The following LRRC36 variants were observed in gnomAD, a reference collection of about 807,000 sequenced individuals.
LRRC36 encodes the protein leucine rich repeat containing 36.
A neutral mutation model predicts 81.1 loss-of-function variants in LRRC36; 62 were observed. That is an observed-to-expected ratio of 0.76 (90% confidence interval 0.62 to 0.94). The LOEUF (loss-of-function observed/expected upper bound fraction) is 0.94, where lower values mean the gene tolerates loss of function less well. LRRC36 is among the 40% of genes least tolerant of loss of function. LRRC36 has a pLI of 0.00. For synonymous variants in LRRC36, 334 were observed against 348.6 expected (o/e 0.96, Z 0.47); for missense variants, 761 against 881.7 (o/e 0.86, Z 1.73).
At chr16:67,363,213 C>T (rs1425142965) in intron 5 of LRRC36, among the ~76,000 whole-genome samples, 3 of 152,150 alleles carry the variant, frequency 2.0e-5, no homozygotes, top group Non-Finnish European at 2.9e-5. Context: ...AGCATCTCCC[C>T]CTGTAGTTGG....
intron 1 of LRRC36, among the ~76,000 whole-genome samples, chr16:67,340,270 C>T (rs2037966819): frequency 6.6e-6 from 1 of 152,182 alleles, no homozygotes; most frequent in African/African-American, 2.4e-5. Flanking sequence ...AACTCTCTTC[C>T]AGTTTTGGTT....
chr16:67,353,407 G>C (rs1200007545), intron 5 of LRRC36, among the ~76,000 whole-genome samples: 1 of 151,720 alleles, frequency 6.6e-6, no homozygotes, highest in Admixed American at 6.6e-5. Context: ...GTTTTTTTGA[G>C]ACAGAGTCTC....
intron 4 of LRRC36, among the ~76,000 whole-genome samples, 182 bp downstream of exon 4, chr16:67,347,773 A>G (rs1451656247): frequency 6.6e-6 from 1 of 152,228 alleles, no homozygotes; most frequent in Admixed American, 6.5e-5. Context: ...TCTGGCCCTC[A>G]GTGGGTACAT....
intron 1 of LRRC36, among the ~76,000 whole-genome samples, chr16:67,327,480 G>A (rs548161143): frequency 5.1e-4 from 78 of 152,076 alleles, no homozygotes; most frequent in Non-Finnish European, 7.9e-4. Context: ...GCGACAGAGC[G>A]AGACTCCATC....
At chr16:67,370,894 C>T (rs1227701996) in intron 8 of LRRC36, 50 bp from the exon 9 acceptor site, 4 of 1,508,326 alleles carry the variant, frequency 2.7e-6, no homozygotes, top group Non-Finnish European at 3.6e-6. Context: ...AGAAGTGAGA[C>T]ATGAGGCAGT....
At chr16:67,377,173 T>G (rs1371918967) in intron 11 of LRRC36, among the ~76,000 whole-genome samples, 2 of 152,194 alleles carry the variant, frequency 1.3e-5, no homozygotes, top group Non-Finnish European at 2.9e-5. Flanking sequence ...GGTTATGGTT[T>G]CACCCCAGCA....
At position 67,378,235 on chromosome 16, in the gene LRRC36, C is replaced by CTTTTTTT. The variant is rs1015471341; in HGVS notation, c.1807-338_1807-332dup. Among the ~76,000 whole-genome samples, 138 of 100,470 alleles carry CTTTTTTT rather than the reference C, an allele frequency of 1.4e-3. 31 individuals carry two copies. The highest frequency in any genetic ancestry group is 6.0e-3 in the African/African-American group (126 of 21,074). 65.9% of individuals were successfully genotyped at this position (100,470 alleles called of 152,430 possible). On this transcript the variant is annotated intron_variant, in intron 11 of 13. Coordinates refer to ENST00000329956, the MANE Select transcript of LRRC36 (RefSeq NM_018296.6). ...TAAACACACCTTAGCATGTCAGATT[C>CTTTTTTT]TTTTTTTTTTTTTTTTTTTTTTGAG...
chr16:67,373,707 C>CAAAA (rs552146686), intron 9 of LRRC36, among the ~76,000 whole-genome samples: 2 of 35,380 alleles, frequency 5.7e-5, no homozygotes, highest in Non-Finnish European at 1.4e-4. Flanking sequence ...GACTCTGTCT[C>CAAAA]AAAAAAAAAA....
rs1454602330 is a variant in LRRC36 at position 67,371,008 on chromosome 16, A to T, written c.1260A>T (p.Leu420Phe). ...PAVLVNVEQQ[L>F]STSLDDLTPA... is the part of the protein sequence containing the mutation. ...TACTTGTCAATGTAGAGCAACAATT[A>T]TCTACCAGCCTGGATGATTTAACAC... The change falls in exon 9 of 14, where the codon TTA becomes TTT. Residue 420 changes from leucine to phenylalanine, a missense_variant. Coordinates refer to ENST00000329956, the MANE Select transcript of LRRC36 (RefSeq NM_018296.6). 1 of 1,614,130 alleles carries T rather than the reference A, an allele frequency of 6.2e-7. No individual in the cohort carries two copies. The highest frequency in any genetic ancestry group is 8.5e-7 in the Non-Finnish European group (1 of 1,180,018).
Position 67,336,465 on chromosome 16 carries a change from C to T in LRRC36, c.71-5492C>T, listed in dbSNP as rs148096025. 6.9e-4 allele frequency among the ~76,000 whole-genome samples: 105 copies of T among 152,342 alleles called. 1 individual carries two copies. In the East Asian group the frequency reaches 0.014, roughly 20 times the overall value. On this transcript the variant is annotated intron_variant, in intron 1 of 13. Transcript: ENST00000329956. ...ATGAATGAGAGTTCCTTTTGCCCCA[C>T]ATCCTCACCAACATTTAGCATTGTG... is the stretch of plus-strand genomic sequence containing the variant.
rs532088490 is a variant in LRRC36, at chr16:67,328,577, G to A, written c.70+1645G>A. Among the ~76,000 whole-genome samples the A allele has an allele frequency of 2.2e-4, 33 of 152,150 alleles. No individual in the cohort carries two copies. The South Asian group carries it at 5.4e-3, about 25-fold the overall frequency. On this transcript the variant is annotated intron_variant, in intron 1 of 13. Coordinates refer to ENST00000329956, the MANE Select transcript of LRRC36 (RefSeq NM_018296.6). Reference sequence around the variant, plus strand: ...AGAAAGTCTTTACTCCCCCATCCCCGTCTCATAGGCCTAGTTCCCCTTCCT... The same window carrying A: ...AGAAAGTCTTTACTCCCCCATCCCCATCTCATAGGCCTAGTTCCCCTTCCT...
chr16:67,353,698 C>G (rs2038763969), intron 5 of LRRC36, among the ~76,000 whole-genome samples: 1 of 152,100 alleles, frequency 6.6e-6, no homozygotes, highest in Non-Finnish European at 1.5e-5. Flanking sequence ...TTGATAGTCT[C>G]TTACCAGGCA....
rs557040722 is a variant in LRRC36 at position 67,342,078 on chromosome 16, C to T, written c.192C>T (p.Ser64=). Residue 64 remains serine, a synonymous_variant, in exon 2 of 14, where the codon AGC becomes AGT. Transcript: ENST00000329956. The stretch of plus-strand genomic sequence containing the variant: ...ATTTATCAAGGAATTTGATCACTAG[C>T]CTTAAGGTAAGTTATATATTCTATG... The part of the protein sequence containing the change: ...SLDLSRNLIT[S]LKGIQYLCSL... 4.4e-6 allele frequency: 7 copies of T among 1,601,294 alleles called. No homozygotes were observed. The East Asian group carries it at 1.6e-4, about 36-fold the overall frequency.
chr16:67,344,493 G>A (rs770962242), intron 2 of LRRC36, among the ~76,000 whole-genome samples: 1 of 152,130 alleles, frequency 6.6e-6, no homozygotes, highest in East Asian at 1.9e-4. Context: ...TATTTGGGAG[G>A]CTGAAGCAGG....
At chr16:67,350,922 C>T (rs1048412149) in intron 5 of LRRC36, among the ~76,000 whole-genome samples, 2 of 152,120 alleles carry the variant, frequency 1.3e-5, no homozygotes, top group Non-Finnish European at 2.9e-5. Flanking sequence ...CCTGTAATCC[C>T]ATCTACTCGG....
intron 5 of LRRC36, among the ~76,000 whole-genome samples, chr16:67,356,484 G>C (rs1483427609): frequency 1.1e-4 from 16 of 152,202 alleles, no homozygotes; most frequent in Admixed American, 9.8e-4. Flanking sequence ...TAATGAATAT[G>C]GGGGAGAGGC....
intron 8 of LRRC36, among the ~76,000 whole-genome samples, chr16:67,369,220 G>C (rs1339708285): frequency 6.6e-6 from 1 of 152,174 alleles, no homozygotes; most frequent in Non-Finnish European, 1.5e-5. Context: ...CTGAGGACTG[G>C]TCCTGAGCCC....
intron 2 of LRRC36, among the ~76,000 whole-genome samples, chr16:67,343,194 G>A (rs2038174519): frequency 6.6e-6 from 1 of 152,118 alleles, no homozygotes; most frequent in South Asian, 2.1e-4. Flanking sequence ...AAAAAATTAA[G>A]TGAACATTGC....
intron 5 of LRRC36, among the ~76,000 whole-genome samples, chr16:67,362,628 A>G (rs973491672): frequency 2.6e-5 from 4 of 152,196 alleles, no homozygotes; most frequent in African/African-American, 9.7e-5. Flanking sequence ...AAACAAGATA[A>G]AACAAGAATC....
Sources: allele counts gnomAD v4.1 joint callset (sites outside exome capture counted in the v4.1 genomes callset), GRCh38; gene constraint gnomAD v4.1.1; transcripts MANE v1.5; gene names NCBI Gene and HGNC (gene_info 2026-07-23, HGNC 2026-07-21).